CDH10: variants seen among roughly 807,000 people sequenced by gnomAD.
CDH10 encodes the protein cadherin 10.
Under a neutral mutation model 73.1 loss-of-function variants are expected in CDH10, and 30 were observed. That is an observed-to-expected ratio of 0.41 (90% CI 0.31 to 0.56). The LOEUF (loss-of-function observed/expected upper bound fraction) is 0.56, where lower values mean the gene tolerates loss of function less well. CDH10 is among the 20% of genes least tolerant of loss of function. CDH10 has a pLI of 0.27. For synonymous variants in CDH10, 345 were observed against 348.2 expected (o/e 0.99, Z 0.10); for missense variants, 815 against 973.7 (o/e 0.84, Z 2.17).
intron 2 of CDH10, among the ~76,000 whole-genome samples, chr5:24,591,147 T>A: frequency 6.6e-6 from 1 of 152,098 alleles, no homozygotes. Flanking sequence ...ATATCATGTG[T>A]ATGTTTATCT....
intron 1 of CDH10, among the ~76,000 whole-genome samples, chr5:24,639,403 T>C (rs1747970817): frequency 6.6e-6 from 1 of 151,728 alleles, no homozygotes; most frequent in Non-Finnish European, 1.5e-5. Context: ...GGCAAATATA[T>C]GGGCTGCCTT....
At chr5:24,620,978 C>A (rs1747297652) in intron 1 of CDH10, among the ~76,000 whole-genome samples, 1 of 152,188 alleles carries the variant, frequency 6.6e-6, no homozygotes, top group African/African-American at 2.4e-5. Flanking sequence ...ATATACAAGA[C>A]ACTTGGACCT....
At chr5:24,503,159 G>T (rs140938929) in intron 8 of CDH10, among the ~76,000 whole-genome samples, 268 of 152,174 alleles carry the variant, frequency 1.8e-3, no homozygotes, top group Non-Finnish European at 3.0e-3. Context: ...TTGGTGATTC[G>T]GCCCCATCCA....
intron 1 of CDH10, among the ~76,000 whole-genome samples, chr5:24,604,171 A>G (rs916965592): frequency 6.6e-6 from 1 of 152,134 alleles, no homozygotes; most frequent in South Asian, 2.1e-4. Flanking sequence ...CAACATAGTG[A>G]GACCCCATAT....
intron 5 of CDH10, among the ~76,000 whole-genome samples, chr5:24,530,558 A>AT (rs1743703506): frequency 6.6e-6 from 1 of 151,988 alleles, no homozygotes; most frequent in Admixed American, 6.6e-5. Context: ...GAAGTATAAT[A>AT]TTTTTCTAAC....
At chr5:24,534,329 C>A (rs1304629876) in intron 5 of CDH10, among the ~76,000 whole-genome samples, 1 of 151,834 alleles carries the variant, frequency 6.6e-6, no homozygotes, top group Non-Finnish European at 1.5e-5. Flanking sequence ...TTTCTAATGA[C>A]CCTAATTTCT....
intron 2 of CDH10, among the ~76,000 whole-genome samples, chr5:24,592,503 A>G (rs890921715): frequency 6.6e-6 from 1 of 151,852 alleles, no homozygotes; most frequent in African/African-American, 2.4e-5. Context: ...TTAGATTCAG[A>G]TAGCGTCAAG....
At chr5:24,617,346 T>C (rs1387287542) in intron 1 of CDH10, among the ~76,000 whole-genome samples, 3 of 152,112 alleles carry the variant, frequency 2.0e-5, no homozygotes, top group African/African-American at 7.2e-5. Flanking sequence ...GAAATTGTAA[T>C]ATTACCTAGA....
At chr5:24,488,498 T>C (rs76584363) in intron 11 of CDH10, among the ~76,000 whole-genome samples, 1,652 of 152,122 alleles carry the variant, frequency 0.011, 32 homozygotes, top group African/African-American at 0.037. Flanking sequence ...TAAGATACTA[T>C]ATAAAATTTG....
At chr5:24,494,455 A>G (rs1359569466) in intron 9 of CDH10, among the ~76,000 whole-genome samples, 1 of 151,980 alleles carries the variant, frequency 6.6e-6, no homozygotes, top group African/African-American at 2.4e-5. Flanking sequence ...AGACTACTAG[A>G]AATCCTTAGT....
intron 1 of CDH10, among the ~76,000 whole-genome samples, chr5:24,615,420 A>C (rs1417313264): frequency 1.3e-5 from 2 of 152,162 alleles, no homozygotes; most frequent in African/African-American, 4.8e-5. Context: ...TATAGTATTT[A>C]ACTGTTAATC....
chr5:24,530,010 T>A (rs1471134412), intron 5 of CDH10, among the ~76,000 whole-genome samples: 2 of 117,968 alleles, frequency 1.7e-5, no homozygotes, highest in Non-Finnish European at 3.4e-5. Context: ...AAAGGCTCTA[T>A]TTTTACTTTT....
intron 5 of CDH10, among the ~76,000 whole-genome samples, chr5:24,524,069 T>C (rs1329229809): frequency 6.6e-6 from 1 of 152,142 alleles, no homozygotes; most frequent in East Asian, 1.9e-4. Context: ...ATTGATTATA[T>C]GGCAACATCA....
chr5:24,514,266 T>G (rs542138302), intron 5 of CDH10, among the ~76,000 whole-genome samples: 10 of 152,254 alleles, frequency 6.6e-5, no homozygotes, highest in African/African-American at 2.4e-4. Context: ...CAAAACTCTT[T>G]GATTGTTCCC....
At chr5:24,620,594 T>C (rs548061963) in intron 1 of CDH10, among the ~76,000 whole-genome samples, 3 of 152,340 alleles carry the variant, frequency 2.0e-5, no homozygotes, top group East Asian at 1.9e-4. Flanking sequence ...TATTTTTCCA[T>C]ATATATACTA....
intron 9 of CDH10, 43 bp downstream of exon 9, chr5:24,498,355 A>T (rs367790263): frequency 1.1e-4 from 150 of 1,385,268 alleles, no homozygotes; most frequent in South Asian, 5.6e-4. Flanking sequence ...TATTTTGCAT[A>T]CAGTTAAAAT....
intron 5 of CDH10, among the ~76,000 whole-genome samples, chr5:24,530,279 T>C (rs1388672572): frequency 3.3e-5 from 5 of 151,892 alleles, no homozygotes; most frequent in South Asian, 4.2e-4. Flanking sequence ...CAGATGAAAA[T>C]CAATATTGTA....
At chr5:24,488,801 C>CA (rs201554304) in intron 11 of CDH10, among the ~76,000 whole-genome samples, 32 of 114,746 alleles carry the variant, frequency 2.8e-4, no homozygotes, top group South Asian at 1.9e-3. Flanking sequence ...ACCCCCCCCC[C>CA]AAAAAAAATT....
intron 11 of CDH10, among the ~76,000 whole-genome samples, chr5:24,490,902 A>G (rs1742030545): frequency 6.6e-6 from 1 of 152,162 alleles, no homozygotes; most frequent in African/African-American, 2.4e-5. Flanking sequence ...AATGTTATCA[A>G]CTTAACCTTT....
Sources: allele counts gnomAD v4.1 joint callset (sites outside exome capture counted in the v4.1 genomes callset), GRCh38; gene constraint gnomAD v4.1.1; transcripts MANE v1.5; gene names NCBI Gene and HGNC (gene_info 2026-07-23, HGNC 2026-07-21).